The following JAKMIP1 variants were observed in gnomAD, a reference collection of about 807,000 sequenced individuals.
The protein encoded by JAKMIP1 is janus kinase and microtubule interacting protein 1, also known as janus kinase and microtubule-interacting protein 1.
In JAKMIP1, 33 loss-of-function variants were observed where a neutral mutation model predicts 113.0. The observed-to-expected ratio is 0.29, with a 90% CI of 0.22 to 0.39. The LOEUF is 0.39. Among genes scored for constraint, JAKMIP1 ranks in the 10% least tolerant of loss-of-function variants. The probability of loss-of-function intolerance (pLI) is 1.00; values close to 1 mark genes in which losing one functional copy is unlikely to be tolerated. For missense variants in JAKMIP1, 813 were observed against 1,080.5 expected (o/e 0.75, Z 3.47); for synonymous variants, 480 against 459.9 (o/e 1.04, Z -0.56).
intron 1 of JAKMIP1, among the ~76,000 whole-genome samples, chr4:6,152,076 G>GGGAAGAAGAAAGAGACAGGGGAA (rs1721632584): frequency 6.6e-6 from 1 of 151,762 alleles, no homozygotes; most frequent in South Asian, 2.1e-4. Context: ...AAGGAAGGGA[G>GGGAAGAAGAAAGAGACAGGGGAA]GGAAGAAGAA....
intron 1 of JAKMIP1, among the ~76,000 whole-genome samples, chr4:6,175,500 C>T (rs144279105): frequency 0.015 from 2,294 of 152,292 alleles, 52 homozygotes; most frequent in African/African-American, 0.052. Context: ...GCAATACTGA[C>T]GAGAAGTCAG....
chr4:6,085,670 A>C, intron 3 of JAKMIP1, 41 bp from the exon 4 acceptor site: 2 of 1,582,000 alleles, frequency 1.3e-6, no homozygotes, highest in African/African-American at 1.3e-5. Flanking sequence ...CTAGGGGCTC[A>C]TGACCAAGGA....
At chr4:6,034,627 C>T (rs747452490) in intron 19 of JAKMIP1, among the ~76,000 whole-genome samples, 28 of 152,266 alleles carry the variant, frequency 1.8e-4, no homozygotes, top group African/African-American at 2.2e-4. Flanking sequence ...CATGGAGAAA[C>T]GCCGTCTCTA....
At chr4:6,027,570 G>A (rs970352036) in intron 20 of JAKMIP1, among the ~76,000 whole-genome samples, 4 of 152,188 alleles carry the variant, frequency 2.6e-5, no homozygotes, top group African/African-American at 4.8e-5. Context: ...AATGAAGGTG[G>A]CATGAGGCAT....
At chr4:6,035,360 C>T (rs1186646997) in intron 19 of JAKMIP1, among the ~76,000 whole-genome samples, 2 of 152,062 alleles carry the variant, frequency 1.3e-5, no homozygotes, top group African/African-American at 2.4e-5. Flanking sequence ...ACATGGTGAG[C>T]GCCCGACAAA....
At chr4:6,174,120 T>G (rs1033866951) in intron 1 of JAKMIP1, among the ~76,000 whole-genome samples, 1 of 152,202 alleles carries the variant, frequency 6.6e-6, no homozygotes, top group African/African-American at 2.4e-5. Context: ...TCAGAAATTT[T>G]ATCACTGATT....
In JAKMIP1 at chr4:6,141,771, CTGTCCA is replaced by C. The variant is rs1340774746; in HGVS notation, c.-147-28780_-147-28775del. On this transcript the variant is annotated intron_variant, in intron 1 of 20. Transcript: ENST00000409021. The surrounding 1 kb of genome is among the most constrained non-coding windows in gnomAD (Gnocchi z 9.4). ...AGGACACTGATGCCGAGGATGCTGA[CTGTCCA>C]CTCTTCGGCAACCTCCCTGGCCACT... Among the ~76,000 whole-genome samples, 1 of 152,222 alleles carries C rather than the reference CTGTCCA, an allele frequency of 6.6e-6. No individual in the cohort carries two copies. The highest frequency in any genetic ancestry group is 1.5e-5 in the Non-Finnish European group (1 of 68,044).
In JAKMIP1 at chr4:6,179,318, T is replaced by C. The variant is rs1725753599; in HGVS notation, c.-148+20935A>G. ...GGTTTCCTCCTACCATCTTGCATGGTGGTTGAGAGGCTTAAAGAGGAACCT... is the reference window on the plus strand; with the variant it reads ...GGTTTCCTCCTACCATCTTGCATGGCGGTTGAGAGGCTTAAAGAGGAACCT... On this transcript the variant is annotated intron_variant, in intron 1 of 20. Coordinates refer to ENST00000409021, the MANE Select transcript of JAKMIP1 (RefSeq NM_001099433.2). This position sits in a 1 kb window ranked among gnomAD's most constrained non-coding sequence, Gnocchi z 4.5. 6.6e-6 allele frequency among the ~76,000 whole-genome samples: 1 copy of C among 152,186 alleles called. No homozygotes were observed. Among genetic ancestry groups the C allele is most frequent in the Non-Finnish European group, 1.5e-5 (1 of 68,034 alleles).
At chr4:6,125,232 C>T (rs1281550907) in intron 1 of JAKMIP1, among the ~76,000 whole-genome samples, 1 of 152,122 alleles carries the variant, frequency 6.6e-6, no homozygotes, top group Non-Finnish European at 1.5e-5. Context: ...GCTTCCACTT[C>T]CCTGGGCAAT....
intron 1 of JAKMIP1, among the ~76,000 whole-genome samples, chr4:6,132,165 C>T (rs1282457507): frequency 6.6e-6 from 1 of 152,056 alleles, no homozygotes; most frequent in African/African-American, 2.4e-5. Context: ...ATGGGAGAGA[C>T]GAAACGGGAC....
In JAKMIP1 at chr4:6,069,394, C is replaced by T. The variant is rs1257011376; in HGVS notation, c.1303-4386G>A. Among the ~76,000 whole-genome samples, 1 of 152,228 alleles carries T rather than the reference C, an allele frequency of 6.6e-6. No homozygotes were observed. The highest frequency in any genetic ancestry group is 1.5e-5 in the Non-Finnish European group (1 of 68,038). ...GGTAATTCCTCTAGCCTTCCATGTT[C>T]CTTGCAACCAAAGCCTCTCCTTGTT... is the stretch of plus-strand genomic sequence containing the variant. On this transcript the variant is annotated intron_variant, in intron 8 of 20. Coordinates refer to ENST00000409021, the MANE Select transcript of JAKMIP1 (RefSeq NM_001099433.2). The surrounding 1 kb of genome is among the most constrained non-coding windows in gnomAD (Gnocchi z 4.5).
intron 1 of JAKMIP1, among the ~76,000 whole-genome samples, chr4:6,170,160 C>CAT (rs1724251131): frequency 6.6e-6 from 1 of 150,868 alleles, no homozygotes; most frequent in Non-Finnish European, 1.5e-5. Flanking sequence ...AACACCACCA[C>CAT]CACCACCCTT....
chr4:6,118,881 T>G lies in JAKMIP1; in HGVS notation c.-147-5884A>C, dbSNP rs1313738221. Among the ~76,000 whole-genome samples, 3 of 152,322 alleles carry G rather than the reference T, an allele frequency of 2.0e-5. No individual in the cohort carries two copies. In the South Asian group the frequency reaches 6.2e-4, roughly 32 times the overall value. On this transcript the variant is annotated intron_variant, in intron 1 of 20. Coordinates refer to ENST00000409021, the MANE Select transcript of JAKMIP1 (RefSeq NM_001099433.2). ...GTACCCTTATTAGGAAAAAGCATCTTTGAAGATGTAACGAAGTTAAAGATC... is the reference window on the plus strand; with the variant it reads ...GTACCCTTATTAGGAAAAAGCATCTGTGAAGATGTAACGAAGTTAAAGATC...
At position 6,185,286 on chromosome 4, in the gene JAKMIP1, C is replaced by G. The variant is rs1306078265; in HGVS notation, c.-148+14967G>C. On this transcript the variant is annotated intron_variant, in intron 1 of 20. Transcript: ENST00000409021. The surrounding 1 kb of genome is among the most constrained non-coding windows in gnomAD (Gnocchi z 5.3). ...GAACCCTGACTAATACAAGTGGGAACCAGCCCTGTCTGCCCTAGTTCTTAA... is the reference window on the plus strand; with the variant it reads ...GAACCCTGACTAATACAAGTGGGAAGCAGCCCTGTCTGCCCTAGTTCTTAA... 6.6e-6 allele frequency among the ~76,000 whole-genome samples: 1 copy of G among 152,190 alleles called. No homozygotes were observed. The highest frequency in any genetic ancestry group is 2.4e-5 in the African/African-American group (1 of 41,456).
intron 1 of JAKMIP1, among the ~76,000 whole-genome samples, chr4:6,126,548 C>T (rs1717678647): frequency 6.7e-6 from 1 of 148,972 alleles, no homozygotes; most frequent in Admixed American, 6.7e-5. Context: ...CACACACACA[C>T]AAACACACAC....
chr4:6,037,381 C>A (rs1713637117), intron 18 of JAKMIP1, among the ~76,000 whole-genome samples: 1 of 121,406 alleles, frequency 8.2e-6, no homozygotes, highest in Admixed American at 7.2e-5. Flanking sequence ...AGAGGCTAAC[C>A]AGTATCCCTC....
chr4:6,046,791 C>A (rs370133754), intron 16 of JAKMIP1, among the ~76,000 whole-genome samples: 4 of 152,120 alleles, frequency 2.6e-5, no homozygotes, highest in African/African-American at 9.7e-5. Flanking sequence ...GTGGGTCGGG[C>A]GTGGGGAGGG....
chr4:6,050,530 G>T lies in JAKMIP1; in HGVS notation c.1908+48C>A. On this transcript the variant is annotated intron_variant, in intron 14 of 20. Transcript: ENST00000409021. This position sits in a 1 kb window ranked among gnomAD's most constrained non-coding sequence, Gnocchi z 7.4. ...CCTTTGCAGCTGAGCCGGGCACTGA[G>T]CGAGCCCTTGGCTGGCATTCAGCAG... 1 of 1,353,496 alleles carries T rather than the reference G, an allele frequency of 7.4e-7. No individual in the cohort carries two copies. Among genetic ancestry groups the T allele is most frequent in the South Asian group, 1.3e-5 (1 of 79,860 alleles). 83.8% of individuals were successfully genotyped at this position (1,353,496 alleles called of 1,614,324 possible).
chr4:6,171,248 T>C (rs998567548), intron 1 of JAKMIP1, among the ~76,000 whole-genome samples: 2 of 140,820 alleles, frequency 1.4e-5, no homozygotes, highest in South Asian at 2.3e-4. Flanking sequence ...CATACCACCA[T>C]CACCATCACA....
Sources: gnomAD v4.1 joint callset for allele counts (sites outside exome capture counted in the v4.1 genomes callset) on GRCh38, gnomAD v4.1.1 for gene constraint, Gnocchi (gnomAD v3.1) non-coding constraint, MANE v1.5 for transcripts, NCBI Gene and HGNC (gene_info 2026-07-23, HGNC 2026-07-21) for gene names.